Variants in FCHSD2 observed in about 807,000 individuals in gnomAD.
FCHSD2 encodes F-BAR and double SH3 domains protein 2.
FCHSD2 carries 38 observed loss-of-function variants against 108.1 expected under a neutral mutation model. That is an observed-to-expected ratio of 0.35 (90% CI 0.27 to 0.46). The LOEUF (loss-of-function observed/expected upper bound fraction) is 0.46, where lower values mean the gene tolerates loss of function less well. Among genes scored for constraint, FCHSD2 ranks in the 20% least tolerant of loss-of-function variants. The pLI, the probability that FCHSD2 is intolerant of heterozygous loss-of-function variation, is 1.00. For missense variants in FCHSD2, 751 were observed against 897.8 expected (o/e 0.84, Z 2.09); for synonymous variants, 279 against 314.7 (o/e 0.89, Z 1.20).
At chr11:73,081,504 T>A (rs187574150) in intron 3 of FCHSD2, among the ~76,000 whole-genome samples, 2 of 152,272 alleles carry the variant, frequency 1.3e-5, no homozygotes, top group East Asian at 3.9e-4. Context: ...GTATTAAAAA[T>A]TTTTAAAGCA....
At chr11:72,912,962 C>T (rs1428716051) in intron 9 of FCHSD2, among the ~76,000 whole-genome samples, 2 of 152,080 alleles carry the variant, frequency 1.3e-5, no homozygotes, top group African/African-American at 4.8e-5. Flanking sequence ...GTACAGGAAG[C>T]ATGGCTGGGG....
chr11:72,894,711 A>G (rs1855384329), intron 10 of FCHSD2, among the ~76,000 whole-genome samples: 1 of 152,166 alleles, frequency 6.6e-6, no homozygotes, highest in Non-Finnish European at 1.5e-5. Context: ...GAAATTCAAA[A>G]TGCTCTGAAA....
intron 8 of FCHSD2, among the ~76,000 whole-genome samples, chr11:72,938,528 C>A (rs1374370643): frequency 2.6e-5 from 4 of 152,078 alleles, no homozygotes; most frequent in Non-Finnish European, 5.9e-5. Context: ...CCACAGCCAG[C>A]AAAACAAGTC....
intron 4 of FCHSD2, among the ~76,000 whole-genome samples, chr11:73,008,300 C>T (rs1591478417): frequency 6.6e-6 from 1 of 152,258 alleles, no homozygotes; most frequent in East Asian, 1.9e-4. Flanking sequence ...GACTGTACCA[C>T]TGCACTCCAG....
intron 9 of FCHSD2, among the ~76,000 whole-genome samples, chr11:72,909,211 A>G (rs1855696968): frequency 6.6e-6 from 1 of 151,350 alleles, no homozygotes; most frequent in Non-Finnish European, 1.5e-5. Flanking sequence ...TGGTTTTTGT[A>G]TTTTTGGTGG....
intron 8 of FCHSD2, among the ~76,000 whole-genome samples, chr11:72,951,283 G>A (rs952126058): frequency 6.6e-6 from 1 of 152,152 alleles, no homozygotes; most frequent in Non-Finnish European, 1.5e-5. Flanking sequence ...ACTAATATAG[G>A]TGGCATCTGT....
chr11:73,001,199 T>C, intron 4 of FCHSD2, 65 bp from the exon 5 acceptor site: 5 of 1,425,296 alleles, frequency 3.5e-6, no homozygotes, highest in South Asian at 1.2e-5. Flanking sequence ...GGCTAACCTT[T>C]TGCTCACAGG....
At position 73,081,815 on chromosome 11, in the gene FCHSD2, C is replaced by T. The variant is rs538495859; in HGVS notation, c.165+1880G>A. 2.0e-4 allele frequency among the ~76,000 whole-genome samples: 31 copies of T among 152,170 alleles called. No individual in the cohort carries two copies. In the South Asian group the frequency reaches 4.0e-3, roughly 19 times the overall value. On this transcript the variant is annotated intron_variant, in intron 3 of 19. Coordinates refer to ENST00000409418, the MANE Select transcript of FCHSD2 (RefSeq NM_014824.3). ...TTTCACAGGTTTGAAAGGATCAAAC[C>T]AGATAACATATATAAAATACTCAGA...
Position 72,849,773 on chromosome 11 carries a change from T to C in FCHSD2, c.1425A>G (p.Lys475=), listed in dbSNP as rs372120877. The change falls in exon 14 of 20, where the codon AAA becomes AAG. Residue 475 remains lysine, a synonymous_variant. Transcript: ENST00000409418. ...TACAAACCTTGTAGGAATAAACAACTTTGCAGGTGAGTGGATAATTTCTTA... is the reference window on the plus strand; with the variant it reads ...TACAAACCTTGTAGGAATAAACAACCTTGCAGGTGAGTGGATAATTTCTTA... ...GTLRNYPLTC[K]VVYSYKASQP... 6.2e-7 allele frequency: 1 copy of C among 1,611,732 alleles called. No homozygotes were observed. The highest frequency in any genetic ancestry group is 1.3e-5 in the African/African-American group (1 of 74,966).
intron 3 of FCHSD2, among the ~76,000 whole-genome samples, chr11:73,061,600 G>A (rs561780008): frequency 1.3e-5 from 2 of 152,268 alleles, no homozygotes; most frequent in Non-Finnish European, 2.9e-5. Flanking sequence ...GTCTGAGATC[G>A]ACCTGGGACG....
At chr11:72,858,072 ATAGGAGGTACTTAATAAAGCAT>A (rs1382271016) in intron 13 of FCHSD2, among the ~76,000 whole-genome samples, 1 of 152,246 alleles carries the variant, frequency 6.6e-6, no homozygotes, top group African/African-American at 2.4e-5. Flanking sequence ...TGTTTGGTGC[ATAGGAGGTACTTAATAAAGCAT>A]TAGCTTTTGT....
At chr11:73,087,977 T>C (rs1401593417) in intron 2 of FCHSD2, among the ~76,000 whole-genome samples, 2 of 152,178 alleles carry the variant, frequency 1.3e-5, no homozygotes, top group African/African-American at 2.4e-5. Context: ...ATTCCTGTAC[T>C]CAAGTGATCC....
chr11:73,026,330 G>C (rs7944277), intron 3 of FCHSD2, among the ~76,000 whole-genome samples: 1 of 152,152 alleles, frequency 6.6e-6, no homozygotes, highest in Non-Finnish European at 1.5e-5. Context: ...TAGTATACTG[G>C]ATTCAGGATT....
intron 8 of FCHSD2, among the ~76,000 whole-genome samples, chr11:72,954,802 G>C (rs780134163): frequency 6.6e-6 from 1 of 151,980 alleles, no homozygotes; most frequent in African/African-American, 2.4e-5. Flanking sequence ...ACATAGAAAG[G>C]GGGAAGGCTA....
chr11:73,132,531 A>G (rs1861027101), intron 2 of FCHSD2, among the ~76,000 whole-genome samples: 1 of 152,042 alleles, frequency 6.6e-6, no homozygotes, highest in Non-Finnish European at 1.5e-5. Context: ...CACATAAAAA[A>G]CTCAGGTGAA....
chr11:73,019,460 A>T (rs1486797752), intron 3 of FCHSD2, among the ~76,000 whole-genome samples: 3 of 152,192 alleles, frequency 2.0e-5, no homozygotes, highest in Non-Finnish European at 4.4e-5. Context: ...CTATTTTTTT[A>T]AATTATGAAA....
intron 3 of FCHSD2, among the ~76,000 whole-genome samples, chr11:73,044,877 T>C (rs1333294017): frequency 1.3e-5 from 2 of 152,162 alleles, no homozygotes; most frequent in Non-Finnish European, 2.9e-5. Context: ...GAGACCATCC[T>C]GACTAACACA....
chr11:72,996,009 T>C (rs181104804), intron 5 of FCHSD2, among the ~76,000 whole-genome samples: 3 of 152,082 alleles, frequency 2.0e-5, no homozygotes, highest in Non-Finnish European at 4.4e-5. Context: ...ATAATAAACA[T>C]AAAGGTTATG....
rs1177192843 is a variant in FCHSD2 at position 72,957,111 on chromosome 11, C to T, written c.705+26977G>A. 4.0e-5 allele frequency among the ~76,000 whole-genome samples: 6 copies of T among 150,998 alleles called. No homozygotes were observed. The East Asian group carries it at 7.8e-4, about 20-fold the overall frequency. Reference sequence around the variant, plus strand: ...GGTTAATTACATATGTATACATGTGCCATGCTGGTGCGCTGCACCCACTAA... The same window carrying T: ...GGTTAATTACATATGTATACATGTGTCATGCTGGTGCGCTGCACCCACTAA... On this transcript the variant is annotated intron_variant, in intron 8 of 19. Coordinates refer to ENST00000409418, the MANE Select transcript of FCHSD2 (RefSeq NM_014824.3).
Sources: allele counts gnomAD v4.1 joint callset (sites outside exome capture counted in the v4.1 genomes callset), GRCh38; gene constraint gnomAD v4.1.1; transcripts MANE v1.5; gene names NCBI Gene and HGNC (gene_info 2026-07-23, HGNC 2026-07-21).